Variants in TRDN observed in about 807,000 individuals in gnomAD.
TRDN encodes triadin in skeletal muscle.
A neutral mutation model predicts 149.7 loss-of-function variants in TRDN; 161 were observed. That is an observed-to-expected ratio of 1.08 (90% CI 0.95 to 1.23). TRDN has a LOEUF of 1.23. Ranked by LOEUF, TRDN falls within the 50% of genes most tolerant of loss-of-function variation. TRDN has a pLI of 0.00. For synonymous variants in TRDN, 294 were observed against 250.5 expected, an observed-to-expected ratio of 1.17 and a Z score of -1.64; for missense variants, 896 against 823.5, an observed-to-expected ratio of 1.09 and a Z score of -1.08.
intron 2 of TRDN, among the ~76,000 whole-genome samples, chr6:123,570,321 T>C (rs1184555820): frequency 1.3e-5 from 2 of 152,178 alleles, no homozygotes. Context: ...GGGTGTCATA[T>C]GTCAAAATAA....
rs932636901 is a variant in TRDN at position 123,218,079 on chromosome 6, A to G, written c.*522T>C. On this transcript the variant is annotated 3_prime_UTR_variant, in exon 41 of 41. Transcript: ENST00000334268. ...TATTACCCATTCTTAGAGCAAAGCC[A>G]CAACTAAAATAGAAATAGACAAAAA... 6.6e-6 allele frequency: 1 copy of G among 152,022 alleles called. No homozygotes were observed. Among genetic ancestry groups the G allele is most frequent in the African/African-American group, 2.4e-5 (1 of 41,414 alleles). The allele number at this position is 152,022 out of a possible 1,614,324, so 9.4% of individuals were successfully genotyped here.
intron 9 of TRDN, among the ~76,000 whole-genome samples, chr6:123,473,058 C>A (rs1562333333): frequency 6.6e-6 from 1 of 152,232 alleles, no homozygotes; most frequent in Non-Finnish European, 1.5e-5. Context: ...CAAAGGAACG[C>A]AGTTCCTCAC....
intron 1 of TRDN, among the ~76,000 whole-genome samples, chr6:123,629,820 G>C (rs1361582775): frequency 6.6e-6 from 1 of 152,018 alleles, no homozygotes; most frequent in Non-Finnish European, 1.5e-5. Context: ...AACTTGTATA[G>C]AGCAGAGCAA....
intron 12 of TRDN, among the ~76,000 whole-genome samples, chr6:123,431,715 T>C (rs888049886): frequency 2.0e-5 from 3 of 152,178 alleles, no homozygotes; most frequent in Non-Finnish European, 4.4e-5. Context: ...ATTATAAATG[T>C]ACACATAAAT....
At chr6:123,247,927 G>C (rs1232861936) in intron 38 of TRDN, among the ~76,000 whole-genome samples, 2 of 151,974 alleles carry the variant, frequency 1.3e-5, no homozygotes, top group Non-Finnish European at 2.9e-5. Flanking sequence ...CAGAACAAAG[G>C]CCACAGAAAT....
chr6:123,397,773 G>A (rs1444023075), intron 12 of TRDN, among the ~76,000 whole-genome samples: 2 of 152,124 alleles, frequency 1.3e-5, no homozygotes, highest in African/African-American at 4.8e-5. Flanking sequence ...AGACAAATTT[G>A]CAAATTTTTA....
intron 1 of TRDN, among the ~76,000 whole-genome samples, chr6:123,615,146 GATA>G (rs777704792): frequency 6.6e-6 from 1 of 152,022 alleles, no homozygotes; most frequent in African/African-American, 2.4e-5. Flanking sequence ...AAAGACAAAA[GATA>G]ATAAATAATG....
At chr6:123,503,652 C>T (rs999468593) in intron 8 of TRDN, 67 bp downstream of exon 8, 5 of 1,596,838 alleles carry the variant, frequency 3.1e-6, no homozygotes, top group Non-Finnish European at 4.3e-6. Context: ...CTTTTAATTT[C>T]ACTGCATGTG....
intron 30 of TRDN, among the ~76,000 whole-genome samples, chr6:123,270,706 T>C (rs1306592321): frequency 6.6e-6 from 1 of 151,998 alleles, no homozygotes; most frequent in Non-Finnish European, 1.5e-5. Context: ...ACTTTAAAGT[T>C]ATATAACCAT....
chr6:123,540,791 T>A (rs1780796295), intron 4 of TRDN, among the ~76,000 whole-genome samples: 1 of 152,234 alleles, frequency 6.6e-6, no homozygotes, highest in Non-Finnish European at 1.5e-5. Flanking sequence ...GTGCTAGGAT[T>A]ACAGGCATGA....
chr6:123,535,425 G>A (rs1780480007), intron 4 of TRDN, among the ~76,000 whole-genome samples: 1 of 152,068 alleles, frequency 6.6e-6, no homozygotes, highest in African/African-American at 2.4e-5. Context: ...GTGGCTGGTA[G>A]GGAGGTATGA....
chr6:123,536,076 C>T (rs1780513415), intron 4 of TRDN, among the ~76,000 whole-genome samples: 1 of 152,072 alleles, frequency 6.6e-6, no homozygotes, highest in South Asian at 2.1e-4. Context: ...ACAGTAGTGT[C>T]TACCAGATAG....
intron 23 of TRDN, among the ~76,000 whole-genome samples, chr6:123,319,329 G>A (rs1779154633): frequency 1.3e-5 from 2 of 151,742 alleles, no homozygotes; most frequent in African/African-American, 4.8e-5. Flanking sequence ...TCTTTTATTA[G>A]GCTACTTGAT....
chr6:123,297,685 G>A (rs1294384194), intron 24 of TRDN, among the ~76,000 whole-genome samples: 1 of 151,948 alleles, frequency 6.6e-6, no homozygotes, highest in Admixed American at 6.6e-5. Context: ...TTGAAATGTA[G>A]TGCTAGGTAT....
At chr6:123,441,530 A>G (rs549923758) in intron 10 of TRDN, among the ~76,000 whole-genome samples, 99 of 152,312 alleles carry the variant, frequency 6.5e-4, no homozygotes, top group African/African-American at 2.3e-3. Context: ...GGCAGGGATC[A>G]CAGAAGAGTG....
At chr6:123,533,926 AT>A in intron 4 of TRDN, among the ~76,000 whole-genome samples, 1 of 152,236 alleles carries the variant, frequency 6.6e-6, no homozygotes, top group Admixed American at 6.5e-5. Flanking sequence ...CAGAGCAGTT[AT>A]TTTTTACTCT....
intron 24 of TRDN, among the ~76,000 whole-genome samples, chr6:123,293,161 A>C (rs1404198021): frequency 6.6e-6 from 1 of 152,142 alleles, no homozygotes; most frequent in East Asian, 1.9e-4. Context: ...CTTACTTGGA[A>C]AATCACTCAC....
intron 1 of TRDN, among the ~76,000 whole-genome samples, chr6:123,582,938 G>T (rs543688324): frequency 6.6e-6 from 1 of 152,174 alleles, no homozygotes; most frequent in African/African-American, 2.4e-5. Context: ...ATATTGTGGG[G>T]TTGTTAGAAG....
At chr6:123,251,625 A>AATT (rs1233566527) in intron 38 of TRDN, among the ~76,000 whole-genome samples, 6 of 151,972 alleles carry the variant, frequency 3.9e-5, no homozygotes, top group Non-Finnish European at 8.8e-5. Flanking sequence ...ATGTAATTAA[A>AATT]ATTAAAATTA....
Sources: gnomAD v4.1 joint callset for allele counts (sites outside exome capture counted in the v4.1 genomes callset) on GRCh38, gnomAD v4.1.1 for gene constraint, MANE v1.5 for transcripts, NCBI Gene and HGNC (gene_info 2026-07-23, HGNC 2026-07-21) for gene names.